RALYL: variants seen among roughly 807,000 people sequenced by gnomAD.
RALYL encodes RNA-binding Raly-like protein.
RALYL carries 29 observed loss-of-function variants against 35.1 expected under a neutral mutation model. The observed-to-expected ratio is 0.83, with a 90% confidence interval of 0.61 to 1.13. The LOEUF (loss-of-function observed/expected upper bound fraction) is 1.13. RALYL is among the 50% of genes most tolerant of loss of function. The pLI is 0.00. For missense variants in RALYL, 359 were observed against 360.4 expected (o/e 1.00, Z 0.03); for synonymous variants, 120 against 127.6 (o/e 0.94, Z 0.40).
At chr8:84,811,399 G>A (rs887248601) in intron 4 of RALYL, among the ~76,000 whole-genome samples, 2 of 152,092 alleles carry the variant, frequency 1.3e-5, no homozygotes, top group Admixed American at 1.3e-4. Context: ...AATCTGATAG[G>A]TTTTCCTTTG....
intron 1 of RALYL, among the ~76,000 whole-genome samples, chr8:84,417,709 G>C (rs539506515): frequency 2.2e-4 from 34 of 152,058 alleles, no homozygotes; most frequent in African/African-American, 8.0e-4. Context: ...ATATCCTAGT[G>C]TTATATCAGG....
At chr8:84,800,873 T>C (rs1044491205) in intron 3 of RALYL, among the ~76,000 whole-genome samples, 2 of 152,218 alleles carry the variant, frequency 1.3e-5, no homozygotes, top group African/African-American at 2.4e-5. Flanking sequence ...TTTCAGACTT[T>C]AGAATTAACC....
intron 1 of RALYL, among the ~76,000 whole-genome samples, chr8:84,409,836 G>A (rs944889485): frequency 6.6e-6 from 1 of 151,888 alleles, no homozygotes; most frequent in Non-Finnish European, 1.5e-5. Flanking sequence ...AACTAAGTAT[G>A]TGTTGCATGA....
At chr8:84,793,724 C>A (rs1281287184) in intron 3 of RALYL, among the ~76,000 whole-genome samples, 1 of 152,096 alleles carries the variant, frequency 6.6e-6, no homozygotes, top group Non-Finnish European at 1.5e-5. Context: ...ATTTTGTCAA[C>A]CTGTGGCAGT....
At chr8:84,221,039 G>A (rs1294655019) in intron 1 of RALYL, among the ~76,000 whole-genome samples, 1 of 151,846 alleles carries the variant, frequency 6.6e-6, no homozygotes, top group Non-Finnish European at 1.5e-5. Flanking sequence ...TAATTTTCTT[G>A]TATTTCCTCC....
chr8:84,698,945 C>T (rs1301293406), intron 2 of RALYL, among the ~76,000 whole-genome samples: 1 of 151,970 alleles, frequency 6.6e-6, no homozygotes, highest in East Asian at 1.9e-4. Flanking sequence ...CACCTCAGAA[C>T]CGTGTTTTGC....
intron 1 of RALYL, among the ~76,000 whole-genome samples, chr8:84,324,890 G>C (rs1307325446): frequency 2.0e-5 from 3 of 151,980 alleles, no homozygotes; most frequent in Non-Finnish European, 4.4e-5. Context: ...GCTTTCATCA[G>C]GAAGCATCTT....
chr8:84,443,981 G>A (rs1460338578), intron 1 of RALYL, among the ~76,000 whole-genome samples: 1 of 152,102 alleles, frequency 6.6e-6, no homozygotes, highest in Non-Finnish European at 1.5e-5. Context: ...AGCCAGAGGA[G>A]TGAATTTTTT....
chr8:84,730,337 C>G (rs890161114), intron 2 of RALYL, among the ~76,000 whole-genome samples: 2 of 152,130 alleles, frequency 1.3e-5, no homozygotes, highest in Admixed American at 1.3e-4. Flanking sequence ...TTCAACAACA[C>G]TTCATGCTAA....
chr8:84,887,045 C>T (rs1042419608), intron 7 of RALYL, among the ~76,000 whole-genome samples: 5 of 152,258 alleles, frequency 3.3e-5, no homozygotes, highest in Non-Finnish European at 7.4e-5. Flanking sequence ...CATCTGTCAA[C>T]ATAATTTAGA....
chr8:84,791,042 C>T (rs1480287151), intron 3 of RALYL, among the ~76,000 whole-genome samples: 2 of 152,080 alleles, frequency 1.3e-5, no homozygotes, highest in South Asian at 2.1e-4. Flanking sequence ...TCTGTCCTTG[C>T]CTTCAAGTTT....
intron 2 of RALYL, among the ~76,000 whole-genome samples, chr8:84,583,608 C>T (rs914387938): frequency 2.6e-5 from 4 of 152,074 alleles, no homozygotes; most frequent in African/African-American, 7.2e-5. Flanking sequence ...AATTAAACAG[C>T]AAAATTGCTC....
At position 84,498,665 on chromosome 8, in the gene RALYL, C is replaced by G. The variant is rs145980744; in HGVS notation, c.-23-30634C>G. On this transcript the variant is annotated intron_variant, in intron 1 of 8. Coordinates refer to ENST00000521268, the MANE Select transcript of RALYL (RefSeq NM_173848.7). ...AAGTTTCCATAAAGCTGTATACATT[C>G]TATCTTATTCACATCCACATGAAAC... Among the ~76,000 whole-genome samples the G allele has an allele frequency of 1.4e-3, 219 of 152,244 alleles. 2 individuals carry two copies. Among genetic ancestry groups the G allele is most frequent in the African/African-American group, 4.7e-3 (197 of 41,554 alleles).
At chr8:84,221,377 T>G (rs7842264) in intron 1 of RALYL, among the ~76,000 whole-genome samples, 118 of 152,070 alleles carry the variant, frequency 7.8e-4, no homozygotes, top group African/African-American at 2.7e-3. Context: ...TAGTTATAGC[T>G]CAGAAATTCA....
intron 2 of RALYL, among the ~76,000 whole-genome samples, chr8:84,688,991 A>G (rs1204821899): frequency 1.3e-5 from 2 of 152,158 alleles, no homozygotes; most frequent in African/African-American, 4.8e-5. Flanking sequence ...ACTATCAGGA[A>G]AATGCAAATC....
chr8:84,368,566 TG>T (rs949373902), intron 1 of RALYL, among the ~76,000 whole-genome samples: 1 of 152,192 alleles, frequency 6.6e-6, no homozygotes, highest in African/African-American at 2.4e-5. Flanking sequence ...TCCACGTAGC[TG>T]GGGAGGCCTC....
intron 6 of RALYL, among the ~76,000 whole-genome samples, chr8:84,862,918 T>G (rs1203569378): frequency 6.6e-6 from 1 of 152,178 alleles, no homozygotes; most frequent in Non-Finnish European, 1.5e-5. Flanking sequence ...CAGTGATAAA[T>G]TATGATAAGA....
chr8:84,484,540 G>A (rs2054399516), intron 1 of RALYL, among the ~76,000 whole-genome samples: 1 of 152,054 alleles, frequency 6.6e-6, no homozygotes, highest in South Asian at 2.1e-4. Context: ...TGGGAATGAT[G>A]AGTAGTCTAG....
At chr8:84,884,557 C>T (rs1262817869) in intron 7 of RALYL, among the ~76,000 whole-genome samples, 2 of 151,808 alleles carry the variant, frequency 1.3e-5, no homozygotes, top group African/African-American at 4.8e-5. Context: ...CACACACACA[C>T]ATATGTATAT....
Sources: gnomAD v4.1 joint callset for allele counts (sites outside exome capture counted in the v4.1 genomes callset) on GRCh38, gnomAD v4.1.1 for gene constraint, MANE v1.5 for transcripts, NCBI Gene and HGNC (gene_info 2026-07-23, HGNC 2026-07-21) for gene names.